Variants in SNX32 observed in about 807,000 individuals in gnomAD.
SNX32 encodes sorting nexin-32.
A neutral mutation model predicts 57.0 loss-of-function variants in SNX32; 58 were observed. That is an observed-to-expected ratio of 1.02 (90% CI 0.82 to 1.27). SNX32 has a LOEUF of 1.27. SNX32 is among the 50% of genes most tolerant of loss of function. The pLI, the probability that SNX32 is intolerant of heterozygous loss-of-function variation, is 0.00. For missense variants in SNX32, 589 were observed against 541.2 expected, an observed-to-expected ratio of 1.09 and a Z score of -0.88; for synonymous variants, 262 against 220.4, an observed-to-expected ratio of 1.19 and a Z score of -1.67.
rs1859292282 is a variant in SNX32 at position 65,853,397 on chromosome 11, C to T, written c.*62C>T. On this transcript the variant is annotated 3_prime_UTR_variant, in exon 13 of 13. Coordinates refer to ENST00000308342, the MANE Select transcript of SNX32 (RefSeq NM_152760.3). Reference sequence around the variant, plus strand: ...TCCAGTGACCAGGGTATCCCAGACCCCTCTCTCCGGCAAGATGTCTCCTTC... The same window carrying T: ...TCCAGTGACCAGGGTATCCCAGACCTCTCTCTCCGGCAAGATGTCTCCTTC... The T allele has an allele frequency of 2.9e-5, 45 of 1,534,448 alleles. No homozygotes were observed. Among genetic ancestry groups the T allele is most frequent in the Non-Finnish European group, 4.0e-5 (44 of 1,108,970 alleles).
intron 1 of SNX32, among the ~76,000 whole-genome samples, chr11:65,842,776 C>A (rs535194514): frequency 6.6e-6 from 1 of 151,192 alleles, no homozygotes; most frequent in African/African-American, 2.4e-5. Flanking sequence ...ATAGTGAAAC[C>A]CCGTCTCTAC....
intron 1 of SNX32, among the ~76,000 whole-genome samples, chr11:65,838,941 A>AACT (rs1190689382): frequency 6.6e-6 from 1 of 152,024 alleles, no homozygotes; most frequent in African/African-American, 2.4e-5. Context: ...GACATATCGA[A>AACT]ACTCATAAGA....
At chr11:65,841,626 T>TG (rs1436039912) in intron 1 of SNX32, among the ~76,000 whole-genome samples, 2 of 151,326 alleles carry the variant, frequency 1.3e-5, no homozygotes, top group East Asian at 3.9e-4. Context: ...CCCAGCTGCT[T>TG]GGGGGGCTGA....
At position 65,852,969 on chromosome 11, in the gene SNX32, C is replaced by T; in HGVS notation, c.1158+11C>T. On this transcript the variant is annotated intron_variant, in intron 12 of 12. Coordinates refer to ENST00000308342, the MANE Select transcript of SNX32 (RefSeq NM_152760.3). ...CTCAAACACGCCAAGGTGAGCCCTC[C>T]CACCTCACTGGGCCCTTGTGAAGCC... 2 of 1,613,734 alleles carry T rather than the reference C, an allele frequency of 1.2e-6. No individual in the cohort carries two copies. Among genetic ancestry groups the T allele is most frequent in the Non-Finnish European group, 1.7e-6 (2 of 1,179,726 alleles).
intron 1 of SNX32, among the ~76,000 whole-genome samples, chr11:65,839,223 G>GTTTTTTTTTTTTTTTT (rs755185237): frequency 0.039 from 894 of 22,848 alleles, 226 homozygotes; most frequent in Non-Finnish European, 0.051. Flanking sequence ...TAATTTTTTT[G>GTTTTTTTTTTTTTTTT]TATTTTTTTT....
chr11:65,853,034 T>C, intron 12 of SNX32, 76 bp downstream of exon 12: 1 of 1,461,548 alleles, frequency 6.8e-7, no homozygotes, highest in South Asian at 1.1e-5. Context: ...GGCACCAGGG[T>C]GTGCGTGCAT....
intron 9 of SNX32, 67 bp from the exon 10 acceptor site, chr11:65,852,398 G>A (rs1027900126): frequency 1.5e-6 from 2 of 1,364,948 alleles, no homozygotes; most frequent in Non-Finnish European, 2.1e-6. Context: ...TAGATGAAGA[G>A]GTGCCTCCCA....
intron 1 of SNX32, among the ~76,000 whole-genome samples, chr11:65,844,334 T>C (rs1858927633): frequency 6.6e-6 from 1 of 151,964 alleles, no homozygotes; most frequent in Non-Finnish European, 1.5e-5. Flanking sequence ...ACTTAATAGG[T>C]CAATTGATAC....
At chr11:65,844,076 A>G (rs1858921152) in intron 1 of SNX32, among the ~76,000 whole-genome samples, 1 of 152,238 alleles carries the variant, frequency 6.6e-6, no homozygotes, top group African/African-American at 2.4e-5. Flanking sequence ...GAGCTGTCAC[A>G]GTGGTTTGTG....
chr11:65,853,630 C>G lies in SNX32; in HGVS notation c.*295C>G. 1 of 497,022 alleles carries G rather than the reference C, an allele frequency of 2.0e-6. No homozygotes were observed. The highest frequency in any genetic ancestry group is 3.6e-6 in the Non-Finnish European group (1 of 274,620). 30.8% of individuals were successfully genotyped at this position (497,022 alleles called of 1,614,324 possible). On this transcript the variant is annotated 3_prime_UTR_variant, in exon 13 of 13. Transcript: ENST00000308342. ...AACAGCCTCTACCCTCACCCATAGC[C>G]CTGAAGGAATCATAGCTCACTTGAT...
intron 1 of SNX32, among the ~76,000 whole-genome samples, chr11:65,845,934 A>C (rs1182341839): frequency 6.6e-6 from 1 of 152,210 alleles, no homozygotes; most frequent in Non-Finnish European, 1.5e-5. Context: ...GGCACAAAAG[A>C]ATACACAATG....
intron 1 of SNX32, among the ~76,000 whole-genome samples, chr11:65,841,947 T>G (rs528329934): frequency 6.6e-6 from 1 of 152,238 alleles, no homozygotes; most frequent in South Asian, 2.1e-4. Flanking sequence ...AGATCTAGTC[T>G]TCCAAGATTG....
At chr11:65,850,367 A>AG (rs752936423) in intron 4 of SNX32, 64 bp from the exon 5 acceptor site, 1 of 1,612,374 alleles carries the variant, frequency 6.2e-7, no homozygotes, top group South Asian at 1.1e-5. Flanking sequence ...CTCTGACCCC[A>AG]GAAAGGGGGC....
chr11:65,850,588 G>A, intron 5 of SNX32, 34 bp downstream of exon 5: 1 of 1,579,726 alleles, frequency 6.3e-7, no homozygotes, highest in South Asian at 1.1e-5. Flanking sequence ...GTCACCCTTG[G>A]GCCAGGAGTC....
At chr11:65,851,442 G>C (rs1859192809) in intron 8 of SNX32, 39 bp downstream of exon 8, 2 of 1,604,778 alleles carry the variant, frequency 1.2e-6, no homozygotes, top group East Asian at 2.2e-5. Flanking sequence ...CCCTGTGCCT[G>C]TAATACCATG....
intron 9 of SNX32, 32 bp downstream of exon 9, chr11:65,851,711 C>T (rs1318091710): frequency 1.2e-6 from 2 of 1,612,128 alleles, no homozygotes; most frequent in Non-Finnish European, 1.7e-6. Context: ...CAAAGGCTTT[C>T]CTGGTGAGCT....
At position 65,853,329 on chromosome 11, in the gene SNX32, G is replaced by T; in HGVS notation, c.1206G>T (p.Glu402Asp). 6.2e-7 allele frequency: 1 copy of T among 1,614,058 alleles called. No homozygotes were observed. Among genetic ancestry groups the T allele is most frequent in the Non-Finnish European group, 8.5e-7 (1 of 1,180,004 alleles). ...ACACCCTTGTTGCCCTAAAGGGGGA[G>T]CCTTAGAGTAGCCAGAGCTCAGCCA... ...LRNTLVALKGEP is the reference protein window; with the variant it reads ...LRNTLVALKGDP The change falls in exon 13 of 13, where the codon GAG becomes GAT. Residue 402 changes from glutamate to aspartate, a missense_variant. By Grantham distance (45) the Glu-to-Asp change is conservative. Coordinates refer to ENST00000308342, the MANE Select transcript of SNX32 (RefSeq NM_152760.3).
intron 1 of SNX32, among the ~76,000 whole-genome samples, chr11:65,842,466 CA>C (rs766474502): frequency 2.6e-5 from 4 of 152,032 alleles, no homozygotes; most frequent in Non-Finnish European, 4.4e-5. Context: ...GACTGGCCAA[CA>C]TGGTGAAACA....
Position 65,853,522 on chromosome 11 carries a change from GAC to G in SNX32, c.*191_*192del, listed in dbSNP as rs1859297931. On this transcript the variant is annotated 3_prime_UTR_variant, in exon 13 of 13. Transcript: ENST00000308342. ...CCACCACAGGTGCCAGGCCCTGCAA[GAC>G]ACAGGGCAGCATGGGCATCATAACT... 3.2e-6 allele frequency: 2 copies of G among 627,050 alleles called. No individual in the cohort carries two copies. Among genetic ancestry groups the G allele is most frequent in the Non-Finnish European group, 5.6e-6 (2 of 354,408 alleles). The allele number at this position is 627,050 out of a possible 1,614,324, so 38.8% of individuals were successfully genotyped here.
Sources: gnomAD v4.1 joint callset for allele counts (sites outside exome capture counted in the v4.1 genomes callset) on GRCh38, gnomAD v4.1.1 for gene constraint, MANE v1.5 for transcripts, NCBI Gene and HGNC (gene_info 2026-07-23, HGNC 2026-07-21) for gene names.